ZNF516: variants seen among roughly 807,000 people sequenced by gnomAD.
The protein encoded by ZNF516 is zinc finger protein 516.
In ZNF516, 19 loss-of-function variants were observed where a neutral mutation model predicts 79.7. The observed-to-expected ratio is 0.24, with a 90% CI of 0.17 to 0.35. The LOEUF (loss-of-function observed/expected upper bound fraction) is 0.35, where lower values mean the gene tolerates loss of function less well. Ranked by LOEUF, ZNF516 falls within the 10% of genes least tolerant of loss-of-function variation. The pLI, the probability that ZNF516 is intolerant of heterozygous loss-of-function variation, is 1.00. For synonymous variants in ZNF516, 877 were observed against 739.5 expected, an observed-to-expected ratio of 1.19 and a Z score of -3.02; for missense variants, 1,678 against 1,679.5, an observed-to-expected ratio of 1.00 and a Z score of 0.02.
chr18:76,367,369 G>A (rs963520141), intron 6 of ZNF516, among the ~76,000 whole-genome samples: 1 of 152,210 alleles, frequency 6.6e-6, no homozygotes, highest in Non-Finnish European at 1.5e-5. Context: ...TCAGTAGCGT[G>A]TGACCTGCTC....
chr18:76,442,511 G>T lies in ZNF516; in HGVS notation c.544C>A (p.Gln182Lys), dbSNP rs554066909. ...AAVQCSFCKS[Q>K]FERKKDLELH... is the part of the protein sequence containing the mutation. ...TCCAGGTCCTTCTTACGCTCGAACTGGCTCTTGCAGAAGGAGCACTGGACC... is the reference window on the plus strand; with the variant it reads ...TCCAGGTCCTTCTTACGCTCGAACTTGCTCTTGCAGAAGGAGCACTGGACC... The change falls in exon 3 of 7, where the codon CAG (glutamine) becomes AAG (lysine). Residue 182 changes from glutamine (Q) to lysine (K), a missense_variant. Physicochemically the swap from Gln to Lys is moderately conservative, Grantham distance 53. This residue lies in a region of ZNF516 where 279 missense variants were observed against 254.1 expected (regional missense o/e 1.10). Coordinates refer to ENST00000443185, the MANE Select transcript of ZNF516 (RefSeq NM_014643.4). The T allele has an allele frequency of 1.6e-5, 26 of 1,601,348 alleles. No individual in the cohort carries two copies. The highest frequency in any genetic ancestry group is 2.2e-5 in the Non-Finnish European group (26 of 1,179,588).
chr18:76,380,111 C>G lies in ZNF516; in HGVS notation c.2003G>C (p.Arg668Thr). Residue 668 changes from arginine to threonine, a missense_variant, in exon 4 of 7, where the codon AGA becomes ACA. By Grantham distance (71) the Arg-to-Thr change is moderately conservative. Transcript: ENST00000443185. ...TGGCATCTTTAAGTCCATAGAAAATCTGTGCTGCTCTTGCCTTCTAGAAGT... is the reference window on the plus strand; with the variant it reads ...TGGCATCTTTAAGTCCATAGAAAATGTGTGCTGCTCTTGCCTTCTAGAAGT... ...RETSRRQEQHRFSMDLKMPAF... is the reference protein window; with the variant it reads ...RETSRRQEQHTFSMDLKMPAF... 2 of 1,613,928 alleles carry G rather than the reference C, an allele frequency of 1.2e-6. No individual in the cohort carries two copies. The highest frequency in any genetic ancestry group is 1.7e-6 in the Non-Finnish European group (2 of 1,179,878).
In ZNF516 at chr18:76,378,887, C is replaced by G; in HGVS notation, c.3227G>C (p.Trp1076Ser). The change falls in exon 4 of 7, where the codon TGG becomes TCG. Residue 1076 changes from tryptophan (W) to serine (S), a missense_variant. Physicochemically the swap from Trp to Ser is radical, Grantham distance 177. Around this residue, in one of 5 missense-constraint regions of ZNF516, gnomAD observed 1,294 missense variants for 1,248.3 expected, o/e 1.04. Transcript: ENST00000443185. ...CTCCAACCCAGGGCCGCTGACACCCCATCCCTGGTAGAGGGTCGCAAAGTC... is the reference window on the plus strand; with the variant it reads ...CTCCAACCCAGGGCCGCTGACACCCGATCCCTGGTAGAGGGTCGCAAAGTC... The part of the protein sequence containing the change: ...PKDFATLYQG[W>S]GVSGPGLEHR... The G allele has an allele frequency of 6.2e-7, 1 of 1,613,588 alleles. No homozygotes were observed. The highest frequency in any genetic ancestry group is 8.5e-7 in the Non-Finnish European group (1 of 1,179,730).
chr18:76,364,332 A>G (rs1348794709), intron 6 of ZNF516, among the ~76,000 whole-genome samples: 1 of 152,206 alleles, frequency 6.6e-6, no homozygotes, highest in South Asian at 2.1e-4. Flanking sequence ...GCCCTAGAGC[A>G]TTTTTAAGAA....
intron 1 of ZNF516, among the ~76,000 whole-genome samples, chr18:76,480,567 G>C (rs1329226837): frequency 5.3e-5 from 8 of 149,946 alleles, no homozygotes; most frequent in African/African-American, 1.7e-4. Context: ...CTGTCGCCCA[G>C]ACTGGAGTGC....
chr18:76,364,254 T>A (rs1394300791), intron 6 of ZNF516, among the ~76,000 whole-genome samples: 1 of 152,182 alleles, frequency 6.6e-6, no homozygotes, highest in Non-Finnish European at 1.5e-5. Flanking sequence ...CAATACCTCA[T>A]TTTTTTAAGA....
At chr18:76,424,518 A>G (rs915672864) in intron 3 of ZNF516, among the ~76,000 whole-genome samples, 9 of 142,926 alleles carry the variant, frequency 6.3e-5, no homozygotes, top group Non-Finnish European at 1.1e-4. Context: ...TCCCCCATGA[A>G]ACACATGCAG....
At chr18:76,362,793 G>C (rs114696904) in intron 6 of ZNF516, among the ~76,000 whole-genome samples, 3 of 152,140 alleles carry the variant, frequency 2.0e-5, no homozygotes, top group Non-Finnish European at 4.4e-5. Context: ...GCTTGAAAAC[G>C]AATCATTTCC....
intron 1 of ZNF516, among the ~76,000 whole-genome samples, chr18:76,491,219 T>G (rs1467202924): frequency 3.1e-5 from 3 of 95,982 alleles, no homozygotes; most frequent in Non-Finnish European, 4.5e-5. Context: ...GACCCCCGCC[T>G]GCCCCGGCCC....
chr18:76,379,013 C>A lies in ZNF516; in HGVS notation c.3101G>T (p.Gly1034Val), dbSNP rs1252965214. Residue 1034 changes from glycine to valine, a missense_variant, in exon 4 of 7, where the codon GGG becomes GTG. Physicochemically the swap from Gly to Val is moderately radical, Grantham distance 109. Coordinates refer to ENST00000443185, the MANE Select transcript of ZNF516 (RefSeq NM_014643.4). ...GATGGAGTGTAGGACGGGGGGCGCC[C>A]CAGCCACGCCGGGCTGGGCCTGCAA... ...AALQAQPGVAGAPPVLHSIKQ... is the reference protein window; with the variant it reads ...AALQAQPGVAVAPPVLHSIKQ... The A allele has an allele frequency of 6.2e-7, 1 of 1,611,722 alleles. No individual in the cohort carries two copies.
chr18:76,415,439 T>C (rs1019588656), intron 3 of ZNF516, among the ~76,000 whole-genome samples: 2 of 152,104 alleles, frequency 1.3e-5, no homozygotes, highest in Admixed American at 6.5e-5. Flanking sequence ...AACCACTAAG[T>C]GCACGCCTCT....
intron 3 of ZNF516, among the ~76,000 whole-genome samples, chr18:76,410,036 CCTTTGCT>C (rs969011906): frequency 6.6e-5 from 10 of 152,168 alleles, no homozygotes; most frequent in Non-Finnish European, 1.3e-4. Context: ...GTAAGATGTG[CCTTTGCT>C]CTTCCTTCAT....
At chr18:76,406,179 T>A (rs539010992) in intron 3 of ZNF516, among the ~76,000 whole-genome samples, 1 of 152,296 alleles carries the variant, frequency 6.6e-6, no homozygotes, top group East Asian at 1.9e-4. Context: ...CCCAAACCTC[T>A]CTTTTACCCT....
At chr18:76,465,122 C>G (rs1447907340) in intron 1 of ZNF516, among the ~76,000 whole-genome samples, 2 of 152,238 alleles carry the variant, frequency 1.3e-5, no homozygotes, top group Non-Finnish European at 2.9e-5. Context: ...GCGTGGTCAT[C>G]CACACTATCT....
At position 76,360,054 on chromosome 18, in the gene ZNF516, T is replaced by G. The variant is rs1303883813; in HGVS notation, c.*2444A>C. ...GTGAAAACCTTCCTCCTGCACTCTG[T>G]GCACCCTGCGCGGCCCCGCAAGCTG... On this transcript the variant is annotated 3_prime_UTR_variant, in exon 7 of 7. Transcript: ENST00000443185. 6.6e-6 allele frequency: 1 copy of G among 152,258 alleles called. No homozygotes were observed. Among genetic ancestry groups the G allele is most frequent in the African/African-American group, 2.4e-5 (1 of 41,440 alleles). The allele number at this position is 152,258 out of a possible 1,614,324, so 9.4% of individuals were successfully genotyped here.
At chr18:76,398,377 T>A (rs984003074) in intron 3 of ZNF516, among the ~76,000 whole-genome samples, 1 of 152,242 alleles carries the variant, frequency 6.6e-6, no homozygotes, top group Non-Finnish European at 1.5e-5. Context: ...CACTTACAAA[T>A]TTATCCAAGT....
At chr18:76,490,733 T>C (rs1915127436) in intron 1 of ZNF516, 2 of 982,338 alleles carry the variant, frequency 2.0e-6, no homozygotes, top group Non-Finnish European at 2.4e-6. Context: ...AATGCCTTTC[T>C]GCTGTATGTG....
intron 1 of ZNF516, among the ~76,000 whole-genome samples, chr18:76,466,419 C>T (rs755844284): frequency 5.3e-5 from 8 of 152,248 alleles, no homozygotes; most frequent in South Asian, 2.1e-4. Context: ...CATGCTGCCA[C>T]GTGGACGGGA....
chr18:76,496,141 G>GGCC, upstream of ZNF516: 1 of 566,078 alleles, frequency 1.8e-6, no homozygotes, highest in Non-Finnish European at 2.7e-6. Flanking sequence ...TGGCCGGGGT[G>GGCC]GGGGAGGGGA....
Sources: allele counts gnomAD v4.1 joint callset (sites outside exome capture counted in the v4.1 genomes callset), GRCh38; gene constraint gnomAD v4.1.1; regional missense constraint gnomAD v4.1.1; transcripts MANE v1.5; gene names NCBI Gene and HGNC (gene_info 2026-07-23, HGNC 2026-07-21).